Variants in SYT1 observed in about 807,000 individuals in gnomAD.
SYT1 encodes the protein synaptotagmin-1.
In SYT1, 8 loss-of-function variants were observed where a neutral mutation model predicts 44.8. The ratio of observed to expected loss-of-function variants is 0.18; its 90% CI spans 0.10 to 0.32. SYT1 has a LOEUF of 0.32. Among genes scored for constraint, SYT1 ranks in the 10% least tolerant of loss-of-function variants. SYT1 has a pLI of 1.00. For synonymous variants in SYT1, 154 were observed against 188.8 expected, an observed-to-expected ratio of 0.82 and a Z score of 1.51; for missense variants, 286 against 509.3, an observed-to-expected ratio of 0.56 and a Z score of 4.22.
chr12:78,876,922 A>ATATATAT (rs1238890237), intron 1 of SYT1, among the ~76,000 whole-genome samples: 1 of 111,490 alleles, frequency 9.0e-6, no homozygotes, highest in Non-Finnish European at 1.8e-5. Flanking sequence ...ATTATATATA[A>ATATATAT]TATATATTAT....
intron 1 of SYT1, among the ~76,000 whole-genome samples, chr12:78,907,346 A>G (rs905017640): frequency 3.9e-5 from 6 of 152,034 alleles, no homozygotes; most frequent in Non-Finnish European, 7.4e-5. Flanking sequence ...AATTACCTAT[A>G]CAATATGGAA....
chr12:79,162,815 T>C (rs1871030177), intron 3 of SYT1, among the ~76,000 whole-genome samples: 1 of 152,118 alleles, frequency 6.6e-6, no homozygotes, highest in African/African-American at 2.4e-5. Context: ...TTTTATGGTG[T>C]AGATAGAGTT....
intron 2 of SYT1, among the ~76,000 whole-genome samples, chr12:79,020,083 C>G (rs755213898): frequency 6.6e-6 from 1 of 151,946 alleles, no homozygotes; most frequent in Non-Finnish European, 1.5e-5. Context: ...TTGGAAGACT[C>G]CTGTCTTTTT....
chr12:79,446,025 ATATATAT>A (rs1354773194), intron 10 of SYT1, among the ~76,000 whole-genome samples: 1 of 131,858 alleles, frequency 7.6e-6, no homozygotes, highest in African/African-American at 2.9e-5. Flanking sequence ...ATATATATAT[ATATATAT>A]ATTATGCCTA....
intron 8 of SYT1, among the ~76,000 whole-genome samples, chr12:79,328,371 C>A (rs17005464): frequency 2.6e-5 from 4 of 152,076 alleles, no homozygotes; most frequent in Non-Finnish European, 5.9e-5. Flanking sequence ...TGGACATGTT[C>A]ATTAAAACAG....
intron 3 of SYT1, among the ~76,000 whole-genome samples, chr12:79,128,178 G>C (rs1487232457): frequency 6.6e-6 from 1 of 152,078 alleles, no homozygotes; most frequent in African/African-American, 2.4e-5. Flanking sequence ...AGGATCTCTT[G>C]AGCCCAGTAG....
At chr12:79,291,248 C>T (rs182522213) in intron 5 of SYT1, among the ~76,000 whole-genome samples, 108 of 152,206 alleles carry the variant, frequency 7.1e-4, no homozygotes, top group Non-Finnish European at 1.5e-3. Context: ...TGATTTTGTT[C>T]TTAAATACAA....
intron 1 of SYT1, among the ~76,000 whole-genome samples, chr12:78,934,310 A>G (rs978464438): frequency 4.6e-5 from 7 of 151,864 alleles, no homozygotes; most frequent in African/African-American, 1.7e-4. Flanking sequence ...CACTTGAGTC[A>G]AGGAGTTCAA....
chr12:79,151,884 A>G (rs1214042820), intron 3 of SYT1, among the ~76,000 whole-genome samples: 3 of 152,172 alleles, frequency 2.0e-5, no homozygotes, highest in African/African-American at 7.2e-5. Flanking sequence ...GGAGAGAGAA[A>G]TTGGGGGCTT....
intron 3 of SYT1, among the ~76,000 whole-genome samples, chr12:79,203,203 C>T (rs935547982): frequency 6.6e-6 from 1 of 152,114 alleles, no homozygotes; most frequent in Non-Finnish European, 1.5e-5. Context: ...TTTTCCATTA[C>T]AAGAAGTCCC....
chr12:79,373,336 A>G (rs185200457), intron 9 of SYT1, among the ~76,000 whole-genome samples: 1 of 152,312 alleles, frequency 6.6e-6, no homozygotes, highest in Admixed American at 6.5e-5. Context: ...TTGTAAGTGT[A>G]TATAGACCAC....
At chr12:79,430,146 T>C (rs184779326) in intron 9 of SYT1, among the ~76,000 whole-genome samples, 180 of 152,232 alleles carry the variant, frequency 1.2e-3, no homozygotes, top group Non-Finnish European at 1.9e-3. Context: ...GAAAAAAACA[T>C]GAAAGATGAT....
chr12:79,030,834 C>T (rs921054767), intron 2 of SYT1, among the ~76,000 whole-genome samples: 1 of 151,032 alleles, frequency 6.6e-6, no homozygotes, highest in Non-Finnish European at 1.5e-5. Flanking sequence ...GTGATGCCAT[C>T]AGCTCTACTT....
intron 1 of SYT1, among the ~76,000 whole-genome samples, chr12:78,936,471 A>G (rs1193577905): frequency 6.6e-6 from 1 of 152,124 alleles, no homozygotes; most frequent in Non-Finnish European, 1.5e-5. Flanking sequence ...GGCTTTTAGT[A>G]TAATTCTTGT....
At chr12:79,099,145 A>G (rs765861602) in intron 3 of SYT1, among the ~76,000 whole-genome samples, 1 of 152,134 alleles carries the variant, frequency 6.6e-6, no homozygotes, top group Non-Finnish European at 1.5e-5. Context: ...AATAAAGGCA[A>G]TGCAGCCAGA....
chr12:79,202,520 AAAG>A (rs1411086414), intron 3 of SYT1, among the ~76,000 whole-genome samples: 2 of 152,234 alleles, frequency 1.3e-5, no homozygotes, highest in Non-Finnish European at 2.9e-5. Context: ...AAACAAAAGC[AAAG>A]AAGAAAGAGA....
intron 1 of SYT1, among the ~76,000 whole-genome samples, chr12:78,950,475 G>A (rs1234532880): frequency 1.3e-5 from 2 of 152,014 alleles, no homozygotes; most frequent in Non-Finnish European, 2.9e-5. Context: ...GGAATATATA[G>A]GAACTGCCAG....
At chr12:79,349,938 T>C (rs575973982) in intron 8 of SYT1, among the ~76,000 whole-genome samples, 6 of 152,306 alleles carry the variant, frequency 3.9e-5, no homozygotes, top group African/African-American at 1.4e-4. Context: ...ACAAGAGATA[T>C]AGTAAAAGCT....
intron 1 of SYT1, among the ~76,000 whole-genome samples, chr12:78,883,820 C>T (rs909002205): frequency 9.9e-5 from 15 of 151,504 alleles, no homozygotes; most frequent in African/African-American, 2.2e-4. Context: ...ATCCAAAGTG[C>T]GAAGGGGTTC....
Sources: allele counts gnomAD v4.1 joint callset (sites outside exome capture counted in the v4.1 genomes callset), GRCh38; gene constraint gnomAD v4.1.1; transcripts MANE v1.5; gene names NCBI Gene and HGNC (gene_info 2026-07-23, HGNC 2026-07-21).